The following LINGO2 variants were observed in gnomAD, a reference collection of about 807,000 sequenced individuals.
LINGO2 encodes leucine rich repeat and Ig domain containing 2.
Under a neutral mutation model 30.6 loss-of-function variants are expected in LINGO2, and 14 were observed. That is an observed-to-expected ratio of 0.46 (90% CI 0.30 to 0.72). LINGO2 has a LOEUF of 0.72. LINGO2 is among the 30% of genes least tolerant of loss of function. LINGO2 has a pLI of 0.07. For missense variants in LINGO2, 729 were observed against 751.7 expected (o/e 0.97, Z 0.35); for synonymous variants, 317 against 288.5 (o/e 1.10, Z -1.00).
the LINGO2 span, among the ~76,000 whole-genome samples, chr9:28,764,492 A>C: frequency 6.6e-6 from 1 of 151,934 alleles, no homozygotes; most frequent in Non-Finnish European, 1.5e-5. Flanking sequence ...ATAGGAATAA[A>C]ATAAAATTAC....
the LINGO2 span, among the ~76,000 whole-genome samples, chr9:28,989,460 T>C: frequency 6.6e-6 from 1 of 152,164 alleles, no homozygotes; most frequent in African/African-American, 2.4e-5. Flanking sequence ...ATATGACAAA[T>C]TGTAACTCGA....
At chr9:28,637,101 T>C (rs1450894985) in intron 1 of LINGO2, among the ~76,000 whole-genome samples, 1 of 152,200 alleles carries the variant, frequency 6.6e-6, no homozygotes, top group African/African-American at 2.4e-5. Flanking sequence ...TTTCTTGTTT[T>C]TGTCAGGTTT....
chr9:28,849,623 C>T, the LINGO2 span, among the ~76,000 whole-genome samples: 1 of 152,016 alleles, frequency 6.6e-6, no homozygotes, highest in African/African-American at 2.4e-5. Context: ...GGCCAAATAG[C>T]ATACACTTGT....
intron 4 of LINGO2, among the ~76,000 whole-genome samples, chr9:28,092,766 C>G (rs1826134052): frequency 6.6e-6 from 1 of 151,620 alleles, no homozygotes; most frequent in African/African-American, 2.4e-5. Context: ...TTTCACTATC[C>G]AAAACCAAGC....
At chr9:28,396,703 C>CA (rs60660309) in intron 2 of LINGO2, among the ~76,000 whole-genome samples, 5 of 53,138 alleles carry the variant, frequency 9.4e-5, no homozygotes, top group South Asian at 1.1e-3. Context: ...GACTCCATCT[C>CA]AAAAAAAAAA....
At chr9:29,024,414 T>G in the LINGO2 span, among the ~76,000 whole-genome samples, 1 of 152,146 alleles carries the variant, frequency 6.6e-6, no homozygotes, top group Admixed American at 6.6e-5. Flanking sequence ...AATAAAGGTT[T>G]GTGAAAATCA....
chr9:28,629,503 T>C (rs1826835780), intron 1 of LINGO2, among the ~76,000 whole-genome samples: 1 of 152,124 alleles, frequency 6.6e-6, no homozygotes, highest in Non-Finnish European at 1.5e-5. Context: ...ATGGTACATA[T>C]ATGTTTTGCC....
At chr9:28,824,391 T>C in the LINGO2 span, among the ~76,000 whole-genome samples, 1 of 152,312 alleles carries the variant, frequency 6.6e-6, no homozygotes, top group South Asian at 2.1e-4. Context: ...AAGTGTGACC[T>C]GATGCTCAAG....
intron 3 of LINGO2, among the ~76,000 whole-genome samples, chr9:28,333,401 A>C (rs1218029396): frequency 6.6e-6 from 1 of 152,202 alleles, no homozygotes; most frequent in Non-Finnish European, 1.5e-5. Context: ...GATTTGTATA[A>C]GGTTAATCTA....
At chr9:28,909,909 C>T in the LINGO2 span, among the ~76,000 whole-genome samples, 2 of 151,796 alleles carry the variant, frequency 1.3e-5, no homozygotes, top group Admixed American at 1.3e-4. Context: ...TCCCTGAAAG[C>T]AGTAATCAAC....
At chr9:28,723,727 T>C in the LINGO2 span, among the ~76,000 whole-genome samples, 1 of 152,088 alleles carries the variant, frequency 6.6e-6, no homozygotes, top group Non-Finnish European at 1.5e-5. Flanking sequence ...ATACCTCATA[T>C]CCTAGAGATC....
At chr9:28,260,543 C>T (rs886947064) in intron 4 of LINGO2, among the ~76,000 whole-genome samples, 1 of 151,730 alleles carries the variant, frequency 6.6e-6, no homozygotes, top group African/African-American at 2.4e-5. Flanking sequence ...TGTCATTACT[C>T]GTAGTTACAT....
chr9:28,933,335 T>G, the LINGO2 span, among the ~76,000 whole-genome samples: 2 of 152,356 alleles, frequency 1.3e-5, no homozygotes, highest in South Asian at 4.1e-4. Flanking sequence ...AAAACTCTTT[T>G]GCAAACTCTT....
chr9:29,177,179 TAGCC>T, the LINGO2 span, among the ~76,000 whole-genome samples: 5 of 152,178 alleles, frequency 3.3e-5, no homozygotes, highest in South Asian at 6.2e-4. Context: ...GTAGTAAGTG[TAGCC>T]ATAAAGATAA....
At chr9:29,062,896 T>A in the LINGO2 span, among the ~76,000 whole-genome samples, 2 of 152,154 alleles carry the variant, frequency 1.3e-5, no homozygotes. Context: ...AGTTTCTTTG[T>A]ACCATTGTTT....
At chr9:28,682,406 T>C in the LINGO2 span, among the ~76,000 whole-genome samples, 1 of 152,208 alleles carries the variant, frequency 6.6e-6, no homozygotes, top group Non-Finnish European at 1.5e-5. Context: ...AAATAATCTG[T>C]TAATGAAGGG....
intron 4 of LINGO2, among the ~76,000 whole-genome samples, chr9:28,283,954 A>T (rs991160311): frequency 6.6e-6 from 1 of 152,196 alleles, no homozygotes; most frequent in African/African-American, 2.4e-5. Flanking sequence ...CTTTATCCTT[A>T]GAATGAGTAT....
At chr9:28,341,689 A>C (rs1001327532) in intron 3 of LINGO2, among the ~76,000 whole-genome samples, 1 of 152,132 alleles carries the variant, frequency 6.6e-6, no homozygotes, top group African/African-American at 2.4e-5. Flanking sequence ...TCAAAATTTA[A>C]CCATATTTAA....
chr9:28,743,878 C>A, the LINGO2 span, among the ~76,000 whole-genome samples: 1 of 151,638 alleles, frequency 6.6e-6, no homozygotes, highest in Non-Finnish European at 1.5e-5. Context: ...GGAAACTTCC[C>A]AGGATTTATT....
Sources: allele counts gnomAD v4.1 joint callset (sites outside exome capture counted in the v4.1 genomes callset), GRCh38; gene constraint gnomAD v4.1.1; transcripts MANE v1.5; gene names NCBI Gene and HGNC (gene_info 2026-07-23, HGNC 2026-07-21).